Variants in PALM2AKAP2 observed in about 807,000 individuals in gnomAD.
PALM2AKAP2 encodes the protein PALM2-AKAP2 fusion protein.
Under a neutral mutation model 71.5 loss-of-function variants are expected in PALM2AKAP2, and 37 were observed. The ratio of observed to expected loss-of-function variants is 0.52; its 90% CI spans 0.40 to 0.68. The LOEUF (loss-of-function observed/expected upper bound fraction) is 0.68. Ranked by LOEUF, PALM2AKAP2 falls within the 30% of genes least tolerant of loss-of-function variation. The pLI, the probability that PALM2AKAP2 is intolerant of heterozygous loss-of-function variation, is 0.00. For synonymous variants in PALM2AKAP2, 468 were observed against 478.8 expected (o/e 0.98, Z 0.29); for missense variants, 1,224 against 1,191.8 (o/e 1.03, Z -0.40).
chr9:109,871,718 A>G (rs556067547), intron 2 of PALM2AKAP2, among the ~76,000 whole-genome samples: 15 of 152,294 alleles, frequency 9.8e-5, no homozygotes, highest in Admixed American at 3.3e-4. Flanking sequence ...CATTGGAATA[A>G]CATTAACCTT....
intron 1 of PALM2AKAP2, among the ~76,000 whole-genome samples, chr9:109,663,464 C>T (rs562972773): frequency 2.0e-5 from 3 of 152,316 alleles, no homozygotes; most frequent in East Asian, 1.9e-4. Flanking sequence ...CATTCAGGAG[C>T]AAGTTGTTCA....
At chr9:109,823,308 T>C (rs1318873517) in intron 1 of PALM2AKAP2, among the ~76,000 whole-genome samples, 1 of 152,146 alleles carries the variant, frequency 6.6e-6, no homozygotes, top group Non-Finnish European at 1.5e-5. Context: ...TGGGAGGATA[T>C]GGTTCTGACT....
rs36078594 is a variant in PALM2AKAP2 at position 109,985,619 on chromosome 9, C to CAA, written c.497-30322_497-30321dup. Among the ~76,000 whole-genome samples the CAA allele has an allele frequency of 6.0e-3, 766 of 126,770 alleles. 9 individuals carry two copies. Among genetic ancestry groups the CAA allele is most frequent in the East Asian group, 0.017 (73 of 4,200 alleles). The allele number at this position is 126,770 out of a possible 152,430, so 83.2% of individuals were successfully genotyped here. On this transcript the variant is annotated intron_variant, in intron 6 of 9. Coordinates refer to the PALM2AKAP2 transcript ENST00000302798. ...TGGGCGACAGAACGAGACTCCGTCT[C>CAA]AAAAAAAAAAAAAACTGTCTTGAGT...
chr9:109,671,229 A>G (rs1285580429), intron 1 of PALM2AKAP2, among the ~76,000 whole-genome samples: 1 of 152,146 alleles, frequency 6.6e-6, no homozygotes, highest in Non-Finnish European at 1.5e-5. Flanking sequence ...TAGAGTTTTT[A>G]TAGCTTTGGG....
At chr9:109,761,235 A>G (rs919356976) in intron 1 of PALM2AKAP2, among the ~76,000 whole-genome samples, 3 of 152,256 alleles carry the variant, frequency 2.0e-5, no homozygotes, top group African/African-American at 7.2e-5. Context: ...GGAAAATTCC[A>G]TCCAAAATAA....
Position 110,035,681 on chromosome 9 carries a change from T to A in PALM2AKAP2, c.582+19642T>A, listed in dbSNP as rs1325508658. On this transcript the variant is annotated intron_variant, in intron 7 of 9. Coordinates refer to the PALM2AKAP2 transcript ENST00000302798. The stretch of plus-strand genomic sequence containing the variant: ...TATAGGATATGTTGTGTGTTATATA[T>A]AACATATATAGGATATGTTGTGTGT... 1.6e-4 allele frequency among the ~76,000 whole-genome samples: 19 copies of A among 121,980 alleles called. No individual in the cohort carries two copies. In the East Asian group the frequency reaches 3.0e-3, roughly 19 times the overall value. 80.0% of individuals were successfully genotyped at this position (121,980 alleles called of 152,430 possible).
intron 1 of PALM2AKAP2, among the ~76,000 whole-genome samples, chr9:109,648,328 G>T (rs1827180760): frequency 6.6e-6 from 1 of 152,186 alleles, no homozygotes; most frequent in African/African-American, 2.4e-5. Context: ...AAAGTTTTTA[G>T]CATTTGCAAA....
intron 6 of PALM2AKAP2, among the ~76,000 whole-genome samples, chr9:109,941,981 G>A (rs1831381440): frequency 6.6e-6 from 1 of 152,182 alleles, no homozygotes; most frequent in Non-Finnish European, 1.5e-5. Flanking sequence ...TGGGCAGCAG[G>A]ACTTGGCACT....
intron 1 of PALM2AKAP2, among the ~76,000 whole-genome samples, chr9:109,667,773 T>C (rs1564106848): frequency 6.6e-6 from 1 of 152,034 alleles, no homozygotes; most frequent in African/African-American, 2.4e-5. Flanking sequence ...AGCCTGGGCA[T>C]TGGAGTGAGA....
At chr9:110,136,730 G>T in exon 2 of PALM2AKAP2, 1 of 1,614,188 alleles carries the variant, frequency 6.2e-7, no homozygotes, top group Non-Finnish European at 8.5e-7. Flanking sequence ...TTCTTCCCGA[G>T]ATGGAGAGTT....
chr9:109,864,198 G>C (rs970168202), intron 1 of PALM2AKAP2, among the ~76,000 whole-genome samples: 2 of 152,220 alleles, frequency 1.3e-5, no homozygotes, highest in Admixed American at 1.3e-4. Context: ...ACATGCTAAT[G>C]CTGCTGCCTG....
intron 6 of PALM2AKAP2, among the ~76,000 whole-genome samples, chr9:109,971,359 T>C (rs1307229071): frequency 6.9e-6 from 1 of 144,676 alleles, no homozygotes; most frequent in Non-Finnish European, 1.5e-5. Flanking sequence ...TTTGTGTTCA[T>C]AGTGTTTCCA....
intron 1 of PALM2AKAP2, among the ~76,000 whole-genome samples, chr9:110,094,105 A>G (rs1834778409): frequency 6.6e-6 from 1 of 152,232 alleles, no homozygotes; most frequent in African/African-American, 2.4e-5. Flanking sequence ...CCAAATGTCA[A>G]TAGCACCGCT....
At chr9:109,962,283 A>G (rs964458108) in intron 6 of PALM2AKAP2, among the ~76,000 whole-genome samples, 2 of 152,218 alleles carry the variant, frequency 1.3e-5, no homozygotes, top group African/African-American at 4.8e-5. Context: ...AAATATAGCT[A>G]TTAGTAAGAA....
chr9:109,649,324 A>C (rs1286583063), intron 1 of PALM2AKAP2, among the ~76,000 whole-genome samples: 1 of 151,944 alleles, frequency 6.6e-6, no homozygotes, highest in African/African-American at 2.4e-5. Context: ...ATTAATTCTG[A>C]ATTTTTCTCA....
At chr9:110,057,481 C>T (rs1162982794) in intron 1 of PALM2AKAP2, among the ~76,000 whole-genome samples, 2 of 151,414 alleles carry the variant, frequency 1.3e-5, no homozygotes, top group Non-Finnish European at 2.9e-5. Context: ...CCGGTTCAAG[C>T]GATTTTCCTG....
intron 1 of PALM2AKAP2, among the ~76,000 whole-genome samples, chr9:109,851,485 G>A (rs926051623): frequency 1.3e-5 from 2 of 152,178 alleles, no homozygotes; most frequent in African/African-American, 4.8e-5. Context: ...ATAGCCAGAG[G>A]TCTTGAATCT....
chr9:110,062,233 G>T lies in PALM2AKAP2; in HGVS notation c.156+13378G>T, dbSNP rs561528158. On this transcript the variant is annotated intron_variant, in intron 1 of 3. Coordinates refer to ENST00000374525, the Ensembl canonical transcript of PALM2AKAP2. Reference sequence around the variant, plus strand: ...CCTACATGCATTAGCTAGTTATCCTGATGCTCTCCCTCCCCACCCCCTCCA... The same window carrying T: ...CCTACATGCATTAGCTAGTTATCCTTATGCTCTCCCTCCCCACCCCCTCCA... Among the ~76,000 whole-genome samples the T allele has an allele frequency of 3.3e-5, 5 of 152,134 alleles. No homozygotes were observed. In the South Asian group the frequency reaches 1.0e-3, roughly 32 times the overall value.
chr9:109,711,700 T>G (rs1828242233), intron 1 of PALM2AKAP2, among the ~76,000 whole-genome samples: 1 of 152,192 alleles, frequency 6.6e-6, no homozygotes, highest in African/African-American at 2.4e-5. Context: ...GAAAGTCGCC[T>G]TAAGAAAGCT....
Sources: gnomAD v4.1 joint callset for allele counts (sites outside exome capture counted in the v4.1 genomes callset) on GRCh38, gnomAD v4.1.1 for gene constraint, MANE v1.5 for transcripts, NCBI Gene and HGNC (gene_info 2026-07-23, HGNC 2026-07-21) for gene names.